The following SNTG1 variants were observed in gnomAD, a reference collection of about 807,000 sequenced individuals.
SNTG1 encodes gamma-1-syntrophin.
A neutral mutation model predicts 74.7 loss-of-function variants in SNTG1; 39 were observed. That is an observed-to-expected ratio of 0.52 (90% CI 0.40 to 0.68). The LOEUF (loss-of-function observed/expected upper bound fraction) is 0.68, where lower values mean the gene tolerates loss of function less well. Ranked by LOEUF, SNTG1 falls within the 30% of genes least tolerant of loss-of-function variation. The probability of loss-of-function intolerance (pLI) is 0.00; values close to 1 mark genes in which losing one functional copy is unlikely to be tolerated. For synonymous variants in SNTG1, 254 were observed against 217.1 expected (o/e 1.17, Z -1.49); for missense variants, 685 against 609.5 (o/e 1.12, Z -1.30).
chr8:50,437,032 G>A (rs1160844752), intron 4 of SNTG1, among the ~76,000 whole-genome samples: 1 of 152,022 alleles, frequency 6.6e-6, no homozygotes, highest in Non-Finnish European at 1.5e-5. Flanking sequence ...ATTTCAAGTT[G>A]CTTTGCATAA....
At chr8:50,288,331 A>G (rs1273555677) in intron 2 of SNTG1, among the ~76,000 whole-genome samples, 3 of 152,198 alleles carry the variant, frequency 2.0e-5, no homozygotes, top group Non-Finnish European at 4.4e-5. Context: ...CTACTCAAGT[A>G]ACAAAAAAAA....
intron 2 of SNTG1, among the ~76,000 whole-genome samples, chr8:50,211,411 T>C (rs2131911875): frequency 6.6e-6 from 1 of 152,272 alleles, no homozygotes; most frequent in Middle Eastern, 3.4e-3. Context: ...CATTTAATAA[T>C]AATTGACTAA....
At chr8:50,546,742 A>G (rs898374331) in intron 11 of SNTG1, among the ~76,000 whole-genome samples, 4 of 152,060 alleles carry the variant, frequency 2.6e-5, no homozygotes, top group African/African-American at 7.2e-5. Context: ...ATAGTATTCC[A>G]TGATGTATAT....
At chr8:50,592,201 A>G (rs1250270821) in intron 13 of SNTG1, among the ~76,000 whole-genome samples, 1 of 152,202 alleles carries the variant, frequency 6.6e-6, no homozygotes, top group Non-Finnish European at 1.5e-5. Context: ...AGTATCAGCT[A>G]TGAGGGAAGA....
chr8:50,587,656 C>T (rs918580801), intron 12 of SNTG1, among the ~76,000 whole-genome samples: 13 of 151,708 alleles, frequency 8.6e-5, no homozygotes, highest in Non-Finnish European at 1.6e-4. Context: ...GAAACCCTGT[C>T]TCTACTAAAA....
intron 2 of SNTG1, among the ~76,000 whole-genome samples, chr8:50,262,888 C>G (rs1156505685): frequency 6.6e-6 from 1 of 152,168 alleles, no homozygotes; most frequent in African/African-American, 2.4e-5. Context: ...CTGGAGAAGA[C>G]AGAACTGTAG....
At chr8:50,563,737 C>G (rs1190495404) in intron 12 of SNTG1, among the ~76,000 whole-genome samples, 1 of 152,024 alleles carries the variant, frequency 6.6e-6, no homozygotes, top group Admixed American at 6.6e-5. Context: ...CCATGTACAA[C>G]AACTTGGAGT....
chr8:50,198,718 A>C (rs2083872645), intron 2 of SNTG1, among the ~76,000 whole-genome samples: 1 of 152,230 alleles, frequency 6.6e-6, no homozygotes, highest in African/African-American at 2.4e-5. Context: ...TAGCAAGTAC[A>C]GCTATGAATG....
At chr8:50,353,416 G>T (rs1044664633) in intron 2 of SNTG1, among the ~76,000 whole-genome samples, 1 of 152,034 alleles carries the variant, frequency 6.6e-6, no homozygotes, top group Non-Finnish European at 1.5e-5. Flanking sequence ...ATAAAAAAAA[G>T]AACACTTTTA....
chr8:50,457,715 C>T (rs1032157265), intron 8 of SNTG1, among the ~76,000 whole-genome samples: 2 of 152,130 alleles, frequency 1.3e-5, no homozygotes, highest in Non-Finnish European at 2.9e-5. Context: ...CGCCATCCAG[C>T]AAACATCCCC....
intron 1 of SNTG1, among the ~76,000 whole-genome samples, chr8:49,963,070 C>CT (rs1281742608): frequency 5.5e-4 from 84 of 152,320 alleles, no homozygotes; most frequent in African/African-American, 1.9e-3. Flanking sequence ...ACAGCACCTC[C>CT]TGTAGTTGTA....
chr8:49,933,502 A>G (rs1807781959), intron 1 of SNTG1, among the ~76,000 whole-genome samples: 2 of 152,102 alleles, frequency 1.3e-5, no homozygotes, highest in Non-Finnish European at 2.9e-5. Flanking sequence ...ACTTTTTTAT[A>G]TGCCATGTTG....
At chr8:50,364,004 T>C (rs1369236842) in intron 2 of SNTG1, among the ~76,000 whole-genome samples, 1 of 152,192 alleles carries the variant, frequency 6.6e-6, no homozygotes, top group East Asian at 1.9e-4. Flanking sequence ...CCTGCCCATA[T>C]GCACCAATCC....
At chr8:50,250,620 C>G (rs1364599532) in intron 2 of SNTG1, among the ~76,000 whole-genome samples, 1 of 152,072 alleles carries the variant, frequency 6.6e-6, no homozygotes. Context: ...GCATATCTCT[C>G]AGCAGAATCT....
At chr8:50,132,691 AC>A (rs2081355106) in intron 1 of SNTG1, among the ~76,000 whole-genome samples, 1 of 152,100 alleles carries the variant, frequency 6.6e-6, no homozygotes, top group African/African-American at 2.4e-5. Flanking sequence ...GTGACTCTGC[AC>A]CCATTTTTAT....
At chr8:50,279,630 A>T (rs2088317159) in intron 2 of SNTG1, among the ~76,000 whole-genome samples, 1 of 152,146 alleles carries the variant, frequency 6.6e-6, no homozygotes, top group Non-Finnish European at 1.5e-5. Context: ...GCTTGTATCA[A>T]AAAATAGATT....
At chr8:50,654,953 CCTGTGAGA>C (rs1249190565) in intron 13 of SNTG1, among the ~76,000 whole-genome samples, 1 of 152,188 alleles carries the variant, frequency 6.6e-6, no homozygotes, top group African/African-American at 2.4e-5. Context: ...TTGATCCAAA[CCTGTGAGA>C]CTGGCCAATG....
chr8:50,203,689 T>C (rs747203036), intron 2 of SNTG1, among the ~76,000 whole-genome samples: 7 of 152,094 alleles, frequency 4.6e-5, no homozygotes, highest in Middle Eastern at 3.2e-3. Flanking sequence ...TAGTTTCGTA[T>C]TAATACAAAA....
At chr8:50,337,899 G>A (rs1315257645) in intron 2 of SNTG1, among the ~76,000 whole-genome samples, 1 of 152,182 alleles carries the variant, frequency 6.6e-6, no homozygotes, top group African/African-American at 2.4e-5. Flanking sequence ...CACTTTGGGA[G>A]GCCAAGGCGG....
Sources: gnomAD v4.1 joint callset for allele counts (sites outside exome capture counted in the v4.1 genomes callset) on GRCh38, gnomAD v4.1.1 for gene constraint, MANE v1.5 for transcripts, NCBI Gene and HGNC (gene_info 2026-07-23, HGNC 2026-07-21) for gene names.